LRRTM4: variants seen among roughly 807,000 people sequenced by gnomAD.
LRRTM4 encodes the protein leucine rich repeat transmembrane neuronal 4, also known as leucine-rich repeat transmembrane neuronal protein 4.
A neutral mutation model predicts 47.6 loss-of-function variants in LRRTM4; 25 were observed. That is an observed-to-expected ratio of 0.53 (90% CI 0.38 to 0.73). The LOEUF is 0.73. Ranked by LOEUF, LRRTM4 falls within the 30% of genes least tolerant of loss-of-function variation. The pLI, the probability that LRRTM4 is intolerant of heterozygous loss-of-function variation, is 0.00. For missense variants in LRRTM4, 638 were observed against 713.4 expected (o/e 0.89, Z 1.20); for synonymous variants, 311 against 269.5 (o/e 1.15, Z -1.51).
chr2:76,786,049 A>C (rs759171109), intron 3 of LRRTM4, among the ~76,000 whole-genome samples: 1 of 152,200 alleles, frequency 6.6e-6, no homozygotes, highest in Non-Finnish European at 1.5e-5. Flanking sequence ...TTCAGAAGAC[A>C]TAAGTTACAT....
At chr2:77,360,476 T>G (rs383781) in intron 3 of LRRTM4, among the ~76,000 whole-genome samples, 1 of 123,194 alleles carries the variant, frequency 8.1e-6, no homozygotes, top group Non-Finnish European at 1.7e-5. Flanking sequence ...CAATACGATA[T>G]GATACGATAC....
chr2:77,449,216 A>G (rs1676164024), intron 3 of LRRTM4, among the ~76,000 whole-genome samples: 1 of 152,202 alleles, frequency 6.6e-6, no homozygotes, highest in South Asian at 2.1e-4. Flanking sequence ...TTTATTTTAC[A>G]TTAAGAAATC....
intron 3 of LRRTM4, among the ~76,000 whole-genome samples, chr2:77,045,014 T>C (rs530103385): frequency 7.2e-5 from 11 of 151,920 alleles, no homozygotes; most frequent in African/African-American, 2.4e-4. Flanking sequence ...TGGTTACCAA[T>C]TACTTACTAT....
chr2:76,975,478 G>A (rs1048472336), intron 3 of LRRTM4, among the ~76,000 whole-genome samples: 3 of 151,448 alleles, frequency 2.0e-5, no homozygotes, highest in Admixed American at 6.6e-5. Context: ...TTACAGAAAA[G>A]ATAAACAACT....
At position 77,188,406 on chromosome 2, in the gene LRRTM4, T is replaced by C. The variant is rs191207860; in HGVS notation, c.1551+329912A>G. On this transcript the variant is annotated intron_variant, in intron 3 of 3. Coordinates refer to ENST00000409884, the MANE Select transcript of LRRTM4 (RefSeq NM_001134745.3). Reference sequence around the variant, plus strand: ...TTGTTAATTTTTCCTTCACATTCTCTACTCCTAGTTTCATTAATGAAACAT... The same window carrying C: ...TTGTTAATTTTTCCTTCACATTCTCCACTCCTAGTTTCATTAATGAAACAT... Among the ~76,000 whole-genome samples, 170 of 152,322 alleles carry C rather than the reference T, an allele frequency of 1.1e-3. 2 individuals carry two copies. The highest frequency in any genetic ancestry group is 3.3e-3 in the African/African-American group (136 of 41,582).
chr2:76,953,441 G>T (rs912621844), intron 3 of LRRTM4, among the ~76,000 whole-genome samples: 1 of 151,750 alleles, frequency 6.6e-6, no homozygotes, highest in Non-Finnish European at 1.5e-5. Flanking sequence ...CTTTCCTAAC[G>T]CAGCACTGCT....
chr2:77,372,281 C>T (rs1672681495), intron 3 of LRRTM4, among the ~76,000 whole-genome samples: 3 of 151,782 alleles, frequency 2.0e-5, no homozygotes, highest in Admixed American at 6.6e-5. Context: ...TAGGACAAAA[C>T]TGTCCAGAGA....
chr2:76,990,762 A>G (rs1676976692), intron 3 of LRRTM4, among the ~76,000 whole-genome samples: 1 of 151,710 alleles, frequency 6.6e-6, no homozygotes, highest in Non-Finnish European at 1.5e-5. Context: ...ACTAACTAAG[A>G]AATTCTGAAC....
At chr2:77,191,686 A>C (rs1346051258) in intron 3 of LRRTM4, among the ~76,000 whole-genome samples, 2 of 152,002 alleles carry the variant, frequency 1.3e-5, no homozygotes, top group Non-Finnish European at 2.9e-5. Context: ...GTCTTAGCTG[A>C]CTTAGAAAGA....
intron 3 of LRRTM4, among the ~76,000 whole-genome samples, chr2:77,494,036 T>G (rs2104054320): frequency 6.6e-6 from 1 of 152,246 alleles, no homozygotes; most frequent in Admixed American, 6.6e-5. Flanking sequence ...AAATTGACTT[T>G]TTGAATTAGT....
chr2:77,056,553 T>C (rs116666731), intron 3 of LRRTM4, among the ~76,000 whole-genome samples: 2,860 of 152,048 alleles, frequency 0.019, 83 homozygotes, highest in African/African-American at 0.057. Context: ...ATGAAAGTAA[T>C]TGAAAAAAGT....
At position 77,283,918 on chromosome 2, in the gene LRRTM4, G is replaced by T. The variant is rs1364142122; in HGVS notation, c.1551+234400C>A. 9.2e-5 allele frequency among the ~76,000 whole-genome samples: 14 copies of T among 152,052 alleles called. No individual in the cohort carries two copies. The South Asian group carries it at 2.9e-3, about 32-fold the overall frequency. On this transcript the variant is annotated intron_variant, in intron 3 of 3. Transcript: ENST00000409884. Reference sequence around the variant, plus strand: ...GGGGTCATTTGTGCCCCAAACCTCAGCATTACTCAATATGTCCATTCAACA... The same window carrying T: ...GGGGTCATTTGTGCCCCAAACCTCATCATTACTCAATATGTCCATTCAACA...
intron 3 of LRRTM4, among the ~76,000 whole-genome samples, chr2:77,211,837 A>C (rs1208195283): frequency 6.6e-6 from 1 of 152,050 alleles, no homozygotes; most frequent in Non-Finnish European, 1.5e-5. Context: ...TGTAATATAA[A>C]ATTTAATTAT....
intron 3 of LRRTM4, among the ~76,000 whole-genome samples, chr2:77,221,231 G>T (rs896690243): frequency 6.6e-6 from 1 of 152,150 alleles, no homozygotes; most frequent in South Asian, 2.1e-4. Flanking sequence ...GGAACAACTG[G>T]TACCAGCCAC....
intron 3 of LRRTM4, among the ~76,000 whole-genome samples, chr2:77,347,582 G>C (rs937297672): frequency 9.2e-5 from 14 of 152,108 alleles, no homozygotes; most frequent in African/African-American, 3.1e-4. Flanking sequence ...TGACAGATTA[G>C]TTGTGTTTTT....
At chr2:77,457,583 C>T (rs1676611062) in intron 3 of LRRTM4, among the ~76,000 whole-genome samples, 1 of 150,884 alleles carries the variant, frequency 6.6e-6, no homozygotes, top group Non-Finnish European at 1.5e-5. Flanking sequence ...AATAGTTATC[C>T]ACTGCCATTT....
intron 3 of LRRTM4, among the ~76,000 whole-genome samples, chr2:76,883,398 G>A (rs543104834): frequency 3.7e-4 from 57 of 152,090 alleles, no homozygotes; most frequent in Non-Finnish European, 7.9e-4. Context: ...TGGGGGACCT[G>A]AGTTCTACAC....
chr2:77,453,549 A>G (rs998289753), intron 3 of LRRTM4, among the ~76,000 whole-genome samples: 19 of 152,164 alleles, frequency 1.2e-4, no homozygotes, highest in Admixed American at 1.2e-3. Flanking sequence ...CATTTGTGGT[A>G]TGTCTTAAGG....
At chr2:77,294,742 C>T (rs570381722) in intron 3 of LRRTM4, among the ~76,000 whole-genome samples, 71 of 152,216 alleles carry the variant, frequency 4.7e-4, no homozygotes, top group Non-Finnish European at 7.9e-4. Flanking sequence ...AAAAACATTG[C>T]AATCATTATT....
Sources: gnomAD v4.1 joint callset for allele counts (sites outside exome capture counted in the v4.1 genomes callset) on GRCh38, gnomAD v4.1.1 for gene constraint, MANE v1.5 for transcripts, NCBI Gene and HGNC (gene_info 2026-07-23, HGNC 2026-07-21) for gene names.